KIAA1328: variants seen among roughly 807,000 people sequenced by gnomAD.
The protein encoded by KIAA1328 is protein hinderin.
KIAA1328 carries 52 observed loss-of-function variants against 68.1 expected under a neutral mutation model. That is an observed-to-expected ratio of 0.76 (90% CI 0.61 to 0.96). The LOEUF is 0.96. KIAA1328 is among the 40% of genes least tolerant of loss of function. The pLI is 0.00. For missense variants in KIAA1328, 641 were observed against 677.6 expected (o/e 0.95, Z 0.60); for synonymous variants, 232 against 239.4 (o/e 0.97, Z 0.28).
At chr18:37,025,681 C>T (rs190064689) in intron 6 of KIAA1328, among the ~76,000 whole-genome samples, 3 of 152,236 alleles carry the variant, frequency 2.0e-5, no homozygotes, top group South Asian at 2.1e-4. Flanking sequence ...TTAACGAGAA[C>T]AAAGACAAAA....
chr18:36,913,791 T>A (rs1191750461), intron 5 of KIAA1328, among the ~76,000 whole-genome samples: 1 of 152,220 alleles, frequency 6.6e-6, no homozygotes, highest in Non-Finnish European at 1.5e-5. Context: ...AATTTTCTTT[T>A]ATTGAGCCTC....
intron 7 of KIAA1328, among the ~76,000 whole-genome samples, chr18:37,067,971 C>T (rs574872191): frequency 1.2e-3 from 184 of 152,198 alleles, no homozygotes; most frequent in Non-Finnish European, 1.7e-3. Flanking sequence ...TTGGCTTACT[C>T]GAGATGCATA....
At chr18:36,918,502 T>A (rs938598069) in intron 5 of KIAA1328, among the ~76,000 whole-genome samples, 3 of 149,246 alleles carry the variant, frequency 2.0e-5, no homozygotes, top group Non-Finnish European at 4.4e-5. Flanking sequence ...AACCTCCGCC[T>A]CTTGGGTTCA....
At chr18:37,210,602 C>T (rs761529183) in intron 9 of KIAA1328, among the ~76,000 whole-genome samples, 2 of 152,088 alleles carry the variant, frequency 1.3e-5, no homozygotes, top group Non-Finnish European at 2.9e-5. Context: ...ACCACACAGC[C>T]CCAGCAGGAT....
intron 7 of KIAA1328, among the ~76,000 whole-genome samples, chr18:37,116,463 G>A (rs1166528718): frequency 6.6e-6 from 1 of 152,094 alleles, no homozygotes; most frequent in Admixed American, 6.5e-5. Context: ...GCCATATGTA[G>A]AAAGCTGAAA....
At chr18:37,136,060 A>G (rs1299862353) in intron 7 of KIAA1328, among the ~76,000 whole-genome samples, 1 of 152,156 alleles carries the variant, frequency 6.6e-6, no homozygotes, top group African/African-American at 2.4e-5. Context: ...GTAACCTTAT[A>G]GTATAGTTTG....
chr18:36,941,313 G>A (rs566828308), intron 5 of KIAA1328, among the ~76,000 whole-genome samples: 1 of 152,252 alleles, frequency 6.6e-6, no homozygotes, highest in Admixed American at 6.5e-5. Flanking sequence ...AGGAGATAGA[G>A]GCCAGGTGTG....
At chr18:36,830,220 T>C (rs147274547) in intron 1 of KIAA1328, among the ~76,000 whole-genome samples, 2 of 152,140 alleles carry the variant, frequency 1.3e-5, no homozygotes, top group African/African-American at 4.8e-5. Context: ...ATTAGTGTCA[T>C]GTGTAGAGAG....
intron 5 of KIAA1328, among the ~76,000 whole-genome samples, chr18:36,956,698 A>G (rs1353375126): frequency 2.6e-5 from 4 of 152,308 alleles, no homozygotes; most frequent in African/African-American, 7.2e-5. Flanking sequence ...CTCCTAAGCT[A>G]TATAATTGTG....
intron 6 of KIAA1328, among the ~76,000 whole-genome samples, chr18:36,997,532 G>T (rs2053437344): frequency 6.6e-6 from 1 of 152,134 alleles, no homozygotes; most frequent in Admixed American, 6.5e-5. Flanking sequence ...AGTAAACCAT[G>T]GGTTGGGACT....
chr18:37,101,606 C>T (rs1230888501), intron 7 of KIAA1328, among the ~76,000 whole-genome samples: 1 of 152,114 alleles, frequency 6.6e-6, no homozygotes, highest in Non-Finnish European at 1.5e-5. Context: ...GGATATTATC[C>T]AGGAGAACTT....
chr18:37,163,976 TA>T (rs1484867051), intron 8 of KIAA1328, among the ~76,000 whole-genome samples: 1 of 152,062 alleles, frequency 6.6e-6, no homozygotes, highest in Non-Finnish European at 1.5e-5. Context: ...GCTAGTCCAC[TA>T]AAAAAAGGAA....
intron 6 of KIAA1328, among the ~76,000 whole-genome samples, chr18:37,001,773 A>G (rs2053593672): frequency 6.6e-6 from 1 of 152,218 alleles, no homozygotes; most frequent in Non-Finnish European, 1.5e-5. Context: ...ATCTCAATAG[A>G]TGCAGAAAAA....
intron 7 of KIAA1328, among the ~76,000 whole-genome samples, chr18:37,153,464 G>A (rs1426236220): frequency 6.6e-6 from 1 of 151,774 alleles, no homozygotes; most frequent in Non-Finnish European, 1.5e-5. Flanking sequence ...GAACCCTGTT[G>A]GTTTAGAGTT....
intron 6 of KIAA1328, among the ~76,000 whole-genome samples, chr18:37,043,714 T>C (rs760849894): frequency 2.2e-4 from 33 of 152,342 alleles, no homozygotes; most frequent in Admixed American, 5.2e-4. Flanking sequence ...GAGCAAGATA[T>C]CATGTTCAAA....
At chr18:37,029,201 A>G (rs903719932) in intron 6 of KIAA1328, among the ~76,000 whole-genome samples, 2 of 122,944 alleles carry the variant, frequency 1.6e-5, no homozygotes, top group African/African-American at 3.9e-5. Context: ...TTGAAACTCA[A>G]TATTTTTTTT....
At chr18:36,847,614 A>G (rs2047072091) in intron 4 of KIAA1328, among the ~76,000 whole-genome samples, 1 of 151,450 alleles carries the variant, frequency 6.6e-6, no homozygotes, top group East Asian at 1.9e-4. Flanking sequence ...TCTCTTCTTA[A>G]TATTGAGGTA....
intron 4 of KIAA1328, among the ~76,000 whole-genome samples, chr18:36,868,954 C>A (rs56822468): frequency 2.6e-5 from 4 of 151,092 alleles, no homozygotes; most frequent in African/African-American, 9.7e-5. Flanking sequence ...TTAAACTGAT[C>A]GTAACTTTTT....
intron 9 of KIAA1328, among the ~76,000 whole-genome samples, chr18:37,209,468 A>ATG (rs145023263): frequency 8.0e-4 from 120 of 150,436 alleles, no homozygotes; most frequent in Non-Finnish European, 1.2e-3. Context: ...TAATGTGTGT[A>ATG]TGTGTGTGTG....
Sources: gnomAD v4.1 joint callset for allele counts (sites outside exome capture counted in the v4.1 genomes callset) on GRCh38, gnomAD v4.1.1 for gene constraint, MANE v1.5 for transcripts, NCBI Gene and HGNC (gene_info 2026-07-23, HGNC 2026-07-21) for gene names.